ANKRD44: variants seen among roughly 807,000 people sequenced by gnomAD.
The protein encoded by ANKRD44 is serine/threonine-protein phosphatase 6 regulatory ankyrin repeat subunit B.
A neutral mutation model predicts 116.0 loss-of-function variants in ANKRD44; 35 were observed. The ratio of observed to expected loss-of-function variants is 0.30; its 90% CI spans 0.23 to 0.40. The LOEUF is 0.40. Ranked by LOEUF, ANKRD44 falls within the 10% of genes least tolerant of loss-of-function variation. The pLI is 1.00. For synonymous variants in ANKRD44, 435 were observed against 461.8 expected, an observed-to-expected ratio of 0.94 and a Z score of 0.74; for missense variants, 1,014 against 1,242.6, an observed-to-expected ratio of 0.82 and a Z score of 2.77.
chr2:197,024,616 C>T lies in ANKRD44; in HGVS notation c.1722+580G>A, dbSNP rs1447663898. Among the ~76,000 whole-genome samples, 3 of 152,194 alleles carry T rather than the reference C, an allele frequency of 2.0e-5. No individual in the cohort carries two copies. In the East Asian group the frequency reaches 5.8e-4, roughly 29 times the overall value. ...ACTGGGATGTGGAGAGGAAGCGTTA[C>T]TGGTGATAAAATAACTCTTCTTCCC... On this transcript the variant is annotated intron_variant, in intron 17 of 27. Coordinates refer to ENST00000282272, the MANE Select transcript of ANKRD44 (RefSeq NM_001195144.2).
intron 1 of ANKRD44, among the ~76,000 whole-genome samples, chr2:197,248,852 G>A (rs1489013626): frequency 6.6e-6 from 1 of 152,058 alleles, no homozygotes; most frequent in East Asian, 1.9e-4. Flanking sequence ...GATGGTGGGG[G>A]TGCTGGAATT....
At chr2:197,277,117 C>T (rs576123441) in intron 1 of ANKRD44, among the ~76,000 whole-genome samples, 1 of 151,810 alleles carries the variant, frequency 6.6e-6, no homozygotes, top group Non-Finnish European at 1.5e-5. Context: ...TTAGTAGAGA[C>T]GGGGTTTTAC....
chr2:197,037,187 C>T lies in ANKRD44; in HGVS notation c.1651-11920G>A, dbSNP rs118127620. Among the ~76,000 whole-genome samples, 360 of 152,292 alleles carry T rather than the reference C, an allele frequency of 2.4e-3. 2 individuals are homozygous for T. In the East Asian group the frequency reaches 0.036, roughly 15 times the overall value. ...CGGGTGTTTTGATTTCTTGTTTCTA[C>T]TTTTTTGCATATTCTAAACTTCCTA... On this transcript the variant is annotated intron_variant, in intron 16 of 27. Transcript: ENST00000282272.
intron 19 of ANKRD44, 74 bp downstream of exon 19, chr2:197,008,870 A>G: frequency 1.5e-6 from 2 of 1,313,282 alleles, no homozygotes; most frequent in Admixed American, 3.4e-5. Context: ...TCAGCCTTGT[A>G]ATGATTTAAG....
intron 1 of ANKRD44, among the ~76,000 whole-genome samples, chr2:197,265,232 CTTTT>C (rs112311831): frequency 3.4e-5 from 2 of 59,530 alleles, no homozygotes; most frequent in Admixed American, 2.1e-4. Flanking sequence ...CACTTTTTTT[CTTTT>C]TTTTTTTTTT....
intron 1 of ANKRD44, among the ~76,000 whole-genome samples, chr2:197,202,553 A>G (rs1273244260): frequency 1.3e-5 from 2 of 152,114 alleles, no homozygotes; most frequent in Non-Finnish European, 2.9e-5. Flanking sequence ...AATTTCGTGC[A>G]GATCTTACAG....
intron 8 of ANKRD44, among the ~76,000 whole-genome samples, chr2:197,118,629 GAGAGAGAGAGAA>G (rs1487831169): frequency 1.3e-5 from 1 of 75,298 alleles, no homozygotes; most frequent in African/African-American, 1.0e-4. Flanking sequence ...GAGAGAGAGA[GAGAGAGAGAGAA>G]AGAAAGAAAG....
At chr2:197,168,008 C>G (rs1489323836) in intron 2 of ANKRD44, among the ~76,000 whole-genome samples, 1 of 152,176 alleles carries the variant, frequency 6.6e-6, no homozygotes, top group Non-Finnish European at 1.5e-5. Flanking sequence ...GTCTTTGGAG[C>G]CTTGAGCCGC....
chr2:197,149,221 T>C (rs2079579262), intron 2 of ANKRD44, among the ~76,000 whole-genome samples: 1 of 152,208 alleles, frequency 6.6e-6, no homozygotes, highest in African/African-American at 2.4e-5. Flanking sequence ...CTAAGTGATT[T>C]AAACAGGGAC....
intron 16 of ANKRD44, among the ~76,000 whole-genome samples, chr2:197,032,564 AT>A: frequency 6.6e-6 from 1 of 151,958 alleles, no homozygotes. Flanking sequence ...AGTTTTTTGT[AT>A]TTTTAGTAGA....
At chr2:197,133,648 A>C (rs1194532735) in intron 4 of ANKRD44, among the ~76,000 whole-genome samples, 1 of 152,242 alleles carries the variant, frequency 6.6e-6, no homozygotes, top group South Asian at 2.1e-4. Context: ...GACCTGTGCC[A>C]GCTCTCAGCT....
At chr2:197,186,535 G>T (rs2080666008) in intron 2 of ANKRD44, among the ~76,000 whole-genome samples, 1 of 147,004 alleles carries the variant, frequency 6.8e-6, no homozygotes, top group Admixed American at 6.9e-5. Flanking sequence ...CGTGATCAAA[G>T]TTCACTGCAG....
intron 16 of ANKRD44, among the ~76,000 whole-genome samples, chr2:197,072,057 A>AGGAG (rs2077571444): frequency 9.8e-6 from 1 of 102,462 alleles, no homozygotes; most frequent in East Asian, 2.7e-4. Context: ...GAAGGAAGGA[A>AGGAG]GGAAGGAAGG....
At chr2:197,120,651 CA>C (rs1182281165) in intron 8 of ANKRD44, among the ~76,000 whole-genome samples, 52 of 142,236 alleles carry the variant, frequency 3.7e-4, no homozygotes, top group East Asian at 8.1e-4. Flanking sequence ...AACTCCATCT[CA>C]AAAAAAAAAA....
At chr2:197,122,887 C>G in intron 6 of ANKRD44, 95 bp from the exon 7 acceptor site, 1 of 1,439,476 alleles carries the variant, frequency 6.9e-7, no homozygotes, top group Non-Finnish European at 9.3e-7. Flanking sequence ...CTTTCATCGC[C>G]ACCAGTATTT....
chr2:197,001,783 C>T lies in ANKRD44; in HGVS notation c.2405G>A (p.Gly802Asp). 1 of 1,613,426 alleles carries T rather than the reference C, an allele frequency of 6.2e-7. No individual in the cohort carries two copies. Among genetic ancestry groups the T allele is most frequent in the Non-Finnish European group, 8.5e-7 (1 of 1,179,510 alleles). Reference sequence around the variant, plus strand: ...ACAGTGCAGTGGAGTAAAGGGATTACCGATAAATTTGCGAAAACATTTTTG... The same window carrying T: ...ACAGTGCAGTGGAGTAAAGGGATTATCGATAAATTTGCGAAAACATTTTTG... ...LEQKCFRKFI[G>D]NPFTPLHCAI... Residue 802 changes from glycine (G) to aspartate (D), a missense_variant, in exon 22 of 28, where the codon GGT becomes GAT. Coordinates refer to ENST00000282272, the MANE Select transcript of ANKRD44 (RefSeq NM_001195144.2).
intron 2 of ANKRD44, among the ~76,000 whole-genome samples, chr2:197,149,922 A>G (rs929851443): frequency 3.9e-5 from 6 of 152,248 alleles, no homozygotes; most frequent in Non-Finnish European, 7.3e-5. Context: ...TCTGGAGAAA[A>G]GAGAATAGTA....
At chr2:197,254,855 T>C (rs375350073) in intron 1 of ANKRD44, among the ~76,000 whole-genome samples, 4 of 152,354 alleles carry the variant, frequency 2.6e-5, no homozygotes, top group African/African-American at 9.6e-5. Flanking sequence ...CTAGTTGTAC[T>C]GTGGCACTTC....
chr2:197,180,977 G>C (rs187743386), intron 2 of ANKRD44, among the ~76,000 whole-genome samples: 2 of 151,540 alleles, frequency 1.3e-5, no homozygotes, highest in Non-Finnish European at 2.9e-5. Context: ...TTTCTCACTT[G>C]GCTCTTGAGA....
Sources: gnomAD v4.1 joint callset for allele counts (sites outside exome capture counted in the v4.1 genomes callset) on GRCh38, gnomAD v4.1.1 for gene constraint, MANE v1.5 for transcripts, NCBI Gene and HGNC (gene_info 2026-07-23, HGNC 2026-07-21) for gene names.